Variants in CDCA7 observed in about 807,000 individuals in gnomAD.
CDCA7 encodes cell division cycle associated 7, also known as cell division cycle-associated protein 7.
Under a neutral mutation model 54.0 loss-of-function variants are expected in CDCA7, and 28 were observed. The ratio of observed to expected loss-of-function variants is 0.52; its 90% CI spans 0.38 to 0.71. CDCA7 has a LOEUF of 0.71. Ranked by LOEUF, CDCA7 falls within the 30% of genes least tolerant of loss-of-function variation. The pLI is 0.00. For missense variants in CDCA7, 484 were observed against 586.0 expected, an observed-to-expected ratio of 0.83 and a Z score of 1.80; for synonymous variants, 180 against 208.2, an observed-to-expected ratio of 0.86 and a Z score of 1.16.
chr2:173,365,666 C>A, intron 7 of CDCA7, 74 bp downstream of exon 7: 1 of 1,526,192 alleles, frequency 6.6e-7, no homozygotes, highest in Non-Finnish European at 8.9e-7. Flanking sequence ...CTAAGCGTTG[C>A]CCAGGTTCTA....
At chr2:173,364,047 A>T in intron 5 of CDCA7, 152 bp downstream of exon 5, 1 of 633,404 alleles carries the variant, frequency 1.6e-6, no homozygotes, top group Admixed American at 3.1e-5. Flanking sequence ...TCTCTGGATG[A>T]TCCTCCTTGA....
At chr2:173,367,080 T>C (rs1300482807) in intron 8 of CDCA7, 70 bp from the exon 9 acceptor site, 117 of 1,520,714 alleles carry the variant, frequency 7.7e-5, no homozygotes, top group Non-Finnish European at 1.0e-4. Context: ...AGGGGTTAAA[T>C]GTAATGTAGA....
intron 5 of CDCA7, chr2:173,364,442 AT>A (rs755771087): frequency 4.5e-4 from 79 of 176,744 alleles, no homozygotes; most frequent in Non-Finnish European, 8.1e-4. Context: ...CCATACAGAT[AT>A]CCCTCTATTT....
chr2:173,365,674 C>G (rs1311848023), intron 7 of CDCA7, 82 bp downstream of exon 7: 11 of 1,461,194 alleles, frequency 7.5e-6, no homozygotes, highest in Non-Finnish European at 1.0e-5. Context: ...TGCCCAGGTT[C>G]TAAAGGGCCT....
At position 173,357,440 on chromosome 2, in the gene CDCA7, A is replaced by C. The variant is rs920170183; in HGVS notation, c.22-1272A>C. On this transcript the variant is annotated intron_variant, in intron 1 of 9. Coordinates refer to ENST00000306721, the MANE Select transcript of CDCA7 (RefSeq NM_031942.5). Reference sequence around the variant, plus strand: ...CATTTGGAGTGCTATTTGATCTTTAACTTGGCTCCTTGTACCATTTGTTGA... The same window carrying C: ...CATTTGGAGTGCTATTTGATCTTTACCTTGGCTCCTTGTACCATTTGTTGA... 2.6e-5 allele frequency among the ~76,000 whole-genome samples: 4 copies of C among 152,330 alleles called. No homozygotes were observed. In the South Asian group the frequency reaches 6.2e-4, roughly 24 times the overall value.
chr2:173,360,988 G>A (rs1364008494), intron 3 of CDCA7, among the ~76,000 whole-genome samples: 1 of 152,030 alleles, frequency 6.6e-6, no homozygotes, highest in East Asian at 1.9e-4. Flanking sequence ...GCAACCATCA[G>A]TCTGCTTTCT....
intron 1 of CDCA7, 137 bp from the exon 2 acceptor site, chr2:173,358,575 T>G: frequency 5.3e-6 from 5 of 934,630 alleles, no homozygotes; most frequent in Non-Finnish European, 6.0e-6. Context: ...GTTAACAAAC[T>G]TCCTTTTCTA....
intron 5 of CDCA7, 140 bp from the exon 6 acceptor site, chr2:173,364,655 C>G: frequency 8.0e-7 from 1 of 1,251,702 alleles, no homozygotes; most frequent in Non-Finnish European, 1.0e-6. Flanking sequence ...TTTTGCCATG[C>G]ATTATGCAAA....
Position 173,367,269 on chromosome 2 carries a change from G to A in CDCA7, c.1305G>A (p.Val435=), listed in dbSNP as rs748510022. The A allele has an allele frequency of 1.2e-6, 2 of 1,613,968 alleles. No homozygotes were observed. The highest frequency in any genetic ancestry group is 1.7e-6 in the Non-Finnish European group (2 of 1,180,004). Residue 435 remains valine (V), a synonymous_variant, in exon 9 of 10, where the codon GTG becomes GTA. Transcript: ENST00000306721. ...YLAKYHGFGN[V]HAYLKSLKQE... The stretch of plus-strand genomic sequence containing the variant: ...CCAAATATCATGGCTTTGGGAATGT[G>A]CATGCCTACTTGAAAAGGTAGTGGG...
rs2106392518 is a variant in CDCA7 at position 173,366,678 on chromosome 2, A to C, written c.1185+246A>C. On this transcript the variant is annotated intron_variant, in intron 8 of 9. Transcript: ENST00000306721. The surrounding 1 kb of genome is among the most constrained non-coding windows in gnomAD (Gnocchi z 4.5). Reference sequence around the variant, plus strand: ...CTCAGCCTCCCAAGTAGCTGGGACTACAGGCACGCGCCACCACACCTAGCT... The same window carrying C: ...CTCAGCCTCCCAAGTAGCTGGGACTCCAGGCACGCGCCACCACACCTAGCT... 6.6e-6 allele frequency among the ~76,000 whole-genome samples: 1 copy of C among 152,264 alleles called. No individual in the cohort carries two copies. The highest frequency in any genetic ancestry group is 3.4e-3 in the Middle Eastern group (1 of 294).
rs1411094363 is a variant in CDCA7 at position 173,368,927 on chromosome 2, A to G, written c.*1263A>G. 6.6e-6 allele frequency: 1 copy of G among 152,192 alleles called. No homozygotes were observed. The highest frequency in any genetic ancestry group is 6.5e-5 in the Admixed American group (1 of 15,280). 9.4% of individuals were successfully genotyped at this position (152,192 alleles called of 1,614,324 possible). A position where few individuals can be genotyped will look rare whatever the true frequency, so the allele number is the denominator to read the frequency against. ...TAACTTGTCTGCTTTTTTAAAAATAATCTTACTGTACTTAATTCTAATTTT... is the reference window on the plus strand; with the variant it reads ...TAACTTGTCTGCTTTTTTAAAAATAGTCTTACTGTACTTAATTCTAATTTT... On this transcript the variant is annotated 3_prime_UTR_variant, in exon 10 of 10. Coordinates refer to ENST00000306721, the MANE Select transcript of CDCA7 (RefSeq NM_031942.5).
intron 2 of CDCA7, 42 bp downstream of exon 2, chr2:173,358,879 C>A: frequency 6.3e-7 from 1 of 1,585,722 alleles, no homozygotes; most frequent in Non-Finnish European, 8.6e-7. Context: ...GTCTGCAGTG[C>A]TCAAAATGCC....
chr2:173,367,027 A>G lies in CDCA7; in HGVS notation c.1186-123A>G. ...CATTAGGCATTAGGAAACATTAGGC[A>G]TGACTAATGCCTATTAATCATATAA... On this transcript the variant is annotated intron_variant, in intron 8 of 9. Transcript: ENST00000306721. The G allele has an allele frequency of 2.2e-6, 3 of 1,346,180 alleles. No homozygotes were observed. The South Asian group carries it at 4.4e-5, about 20-fold the overall frequency. The allele number at this position is 1,346,180 out of a possible 1,614,324, so 83.4% of individuals were successfully genotyped here. A position where few individuals can be genotyped will look rare whatever the true frequency, so the allele number is the denominator to read the frequency against.
intron 3 of CDCA7, among the ~76,000 whole-genome samples, chr2:173,360,118 A>G (rs1449944006): frequency 6.6e-6 from 1 of 152,238 alleles, no homozygotes; most frequent in Non-Finnish European, 1.5e-5. Flanking sequence ...TGACAAAGGA[A>G]GCAGTGCATT....
chr2:173,359,348 G>A lies in CDCA7; in HGVS notation c.241G>A (p.Glu81Lys). ...NESFCGFSES[E>K]VQDVLDHCGF... Reference sequence around the variant, plus strand: ...ATCTTTCTGCGGCTTTTCAGAAAGTGAGGTGCAAGATGTATTAGACCATTG... The same window carrying A: ...ATCTTTCTGCGGCTTTTCAGAAAGTAAGGTGCAAGATGTATTAGACCATTG... The change falls in exon 3 of 10, where the codon GAG becomes AAG. Residue 81 changes from glutamate (E) to lysine (K), a missense_variant. Around this residue, in one of 3 missense-constraint regions of CDCA7, gnomAD observed 398 missense variants for 447.4 expected, o/e 0.89. Transcript: ENST00000306721. 1 of 1,614,218 alleles carries A rather than the reference G, an allele frequency of 6.2e-7. No individual in the cohort carries two copies. Among genetic ancestry groups the A allele is most frequent in the Non-Finnish European group, 8.5e-7 (1 of 1,180,042 alleles).
chr2:173,358,192 T>C (rs1409837413), intron 1 of CDCA7, among the ~76,000 whole-genome samples: 3 of 126,178 alleles, frequency 2.4e-5, no homozygotes, highest in African/African-American at 5.8e-5. Context: ...ACAGCGAGAC[T>C]CCGTCTCAAA....
intron 3 of CDCA7, among the ~76,000 whole-genome samples, chr2:173,362,974 A>T (rs1686650659): frequency 6.6e-6 from 1 of 152,144 alleles, no homozygotes; most frequent in African/African-American, 2.4e-5. Flanking sequence ...TTAACATTTT[A>T]AAAAAAGGCT....
At chr2:173,355,012 G>C (rs891658605) in intron 1 of CDCA7, 28 bp downstream of exon 1, 8 of 1,367,708 alleles carry the variant, frequency 5.8e-6, no homozygotes, top group African/African-American at 1.5e-5. Context: ...GAACCCGAGG[G>C]GCGGGCGCGG....
intron 3 of CDCA7, among the ~76,000 whole-genome samples, chr2:173,362,959 G>A (rs1489162010): frequency 6.6e-6 from 1 of 152,060 alleles, no homozygotes; most frequent in East Asian, 1.9e-4. Flanking sequence ...CAGGTGGTAG[G>A]AATTTTAACA....
Sources: allele counts gnomAD v4.1 joint callset (sites outside exome capture counted in the v4.1 genomes callset), GRCh38; gene constraint gnomAD v4.1.1; regional missense constraint gnomAD v4.1.1; non-coding constraint Gnocchi (gnomAD v3.1); transcripts MANE v1.5; gene names NCBI Gene and HGNC (gene_info 2026-07-23, HGNC 2026-07-21).